ZNF503: variants seen among roughly 807,000 people sequenced by gnomAD.
The protein encoded by ZNF503 is zinc finger protein 503.
In ZNF503, 15 loss-of-function variants were observed where a neutral mutation model predicts 34.4. The observed-to-expected ratio is 0.44, with a 90% CI of 0.29 to 0.67. The LOEUF is 0.67. Ranked by LOEUF, ZNF503 falls within the 30% of genes least tolerant of loss-of-function variation. The probability of loss-of-function intolerance (pLI) is 0.13; values close to 1 mark genes in which losing one functional copy is unlikely to be tolerated. For missense variants in ZNF503, 1,007 were observed against 926.8 expected (o/e 1.09, Z -1.12); for synonymous variants, 580 against 456.8 (o/e 1.27, Z -3.44).
At chr10:75,322,561 C>T in the ZNF503 span, among the ~76,000 whole-genome samples, 1 of 152,188 alleles carries the variant, frequency 6.6e-6, no homozygotes, top group Admixed American at 6.5e-5. Context: ...CAGGCACTGT[C>T]ACTCATGCTT....
At chr10:75,346,667 C>T in the ZNF503 span, among the ~76,000 whole-genome samples, 10 of 152,208 alleles carry the variant, frequency 6.6e-5, no homozygotes, top group Admixed American at 1.3e-4. Context: ...GTCTCAAACT[C>T]CTGAGCTCAA....
chr10:75,374,681 T>C, the ZNF503 span, among the ~76,000 whole-genome samples: 3 of 152,242 alleles, frequency 2.0e-5, no homozygotes, highest in Admixed American at 2.0e-4. Flanking sequence ...ATTCACTGCT[T>C]GTCTTTCTCC....
intron 1 of ZNF503, 135 bp downstream of exon 1, chr10:75,400,970 G>T: frequency 7.7e-7 from 1 of 1,295,398 alleles, no homozygotes; most frequent in Non-Finnish European, 1.1e-6. Flanking sequence ...AGGTACGGAA[G>T]CAGTAGCCTC....
At chr10:75,287,298 G>A in the ZNF503 span, among the ~76,000 whole-genome samples, 347 of 152,068 alleles carry the variant, frequency 2.3e-3, 1 homozygote, top group African/African-American at 7.7e-3. Context: ...CTTCTATCAC[G>A]TCTCTCCCCA....
At chr10:75,322,654 ACCC>A in the ZNF503 span, among the ~76,000 whole-genome samples, 2 of 151,902 alleles carry the variant, frequency 1.3e-5, no homozygotes, top group African/African-American at 4.8e-5. Context: ...ACATGGTGAG[ACCC>A]CATCTCTACA....
chr10:75,392,171 A>C, the ZNF503 span, among the ~76,000 whole-genome samples: 5 of 152,226 alleles, frequency 3.3e-5, no homozygotes, highest in Non-Finnish European at 7.3e-5. Flanking sequence ...GAATAAGTGA[A>C]TGGATGGACT....
chr10:75,286,262 G>A, the ZNF503 span, among the ~76,000 whole-genome samples: 2 of 146,058 alleles, frequency 1.4e-5, no homozygotes, highest in African/African-American at 5.2e-5. Flanking sequence ...TCCAGCCTGG[G>A]AGACAGAGCA....
the ZNF503 span, among the ~76,000 whole-genome samples, chr10:75,300,583 G>A: frequency 9.7e-3 from 1,481 of 152,184 alleles, 33 homozygotes; most frequent in African/African-American, 0.034. Context: ...ATTAATTTGG[G>A]GAACTAATAA....
At chr10:75,381,805 CT>C in the ZNF503 span, among the ~76,000 whole-genome samples, 329 of 38,600 alleles carry the variant, frequency 8.5e-3, no homozygotes, top group African/African-American at 0.032. Context: ...GAACCTAATT[CT>C]TTTTTTTTTT....
At position 75,397,874 on chromosome 10, in the gene ZNF503, C is replaced by T. The variant is rs566690431; in HGVS notation, c.*875G>A. The T allele has an allele frequency of 2.6e-5, 4 of 152,790 alleles. No individual in the cohort carries two copies. The highest frequency in any genetic ancestry group is 9.6e-5 in the African/African-American group (4 of 41,584). 9.5% of individuals were successfully genotyped at this position (152,790 alleles called of 1,614,324 possible). ...TACATCAAATATACGGAATTTTAATCTTTAAAGCGATACATTGTCTATTAT... is the reference window on the plus strand; with the variant it reads ...TACATCAAATATACGGAATTTTAATTTTTAAAGCGATACATTGTCTATTAT... On this transcript the variant is annotated 3_prime_UTR_variant, in exon 2 of 2. Coordinates refer to ENST00000372524, the MANE Select transcript of ZNF503 (RefSeq NM_032772.6).
At chr10:75,297,316 C>G in the ZNF503 span, among the ~76,000 whole-genome samples, 1 of 152,030 alleles carries the variant, frequency 6.6e-6, no homozygotes, top group Admixed American at 6.6e-5. Flanking sequence ...GTTTACAAGT[C>G]TCTTGCTCTA....
At chr10:75,386,233 T>G in the ZNF503 span, among the ~76,000 whole-genome samples, 1 of 152,164 alleles carries the variant, frequency 6.6e-6, no homozygotes. Context: ...CCCTCTACCC[T>G]TCTGTGGCTG....
rs1283743205 is a variant in ZNF503, at chr10:75,401,439, G to A, written c.-20C>T. 14 of 1,527,910 alleles carry A rather than the reference G, an allele frequency of 9.2e-6. No individual in the cohort carries two copies. The highest frequency in any genetic ancestry group is 2.0e-5 in the Admixed American group (1 of 50,152). The allele number at this position is 1,527,910 out of a possible 1,614,324, so 94.6% of individuals were successfully genotyped here. ...GCTCATGACCCACCCGCGCGCATGG[G>A]AGCAGCGGGGGGGAGGGCTCCGGGA... On this transcript the variant is annotated 5_prime_UTR_variant, in exon 1 of 2. Coordinates refer to ENST00000372524, the MANE Select transcript of ZNF503 (RefSeq NM_032772.6).
chr10:75,367,199 A>T, the ZNF503 span, among the ~76,000 whole-genome samples: 2 of 152,070 alleles, frequency 1.3e-5, no homozygotes, highest in African/African-American at 4.8e-5. Context: ...CCCCCAGCTC[A>T]GGAAATTGTC....
At chr10:75,340,179 G>A in the ZNF503 span, among the ~76,000 whole-genome samples, 2 of 150,740 alleles carry the variant, frequency 1.3e-5, no homozygotes, top group Middle Eastern at 3.4e-3. Flanking sequence ...GCGGGGGGTC[G>A]AGGCTGCAGT....
chr10:75,354,841 GT>G, the ZNF503 span, among the ~76,000 whole-genome samples: 1 of 77,312 alleles, frequency 1.3e-5, no homozygotes, highest in South Asian at 3.9e-4. Context: ...CTTCATTTTT[GT>G]TTTGTTTTGT....
the ZNF503 span, among the ~76,000 whole-genome samples, chr10:75,325,045 A>G: frequency 6.6e-6 from 1 of 152,196 alleles, no homozygotes; most frequent in Non-Finnish European, 1.5e-5. Context: ...TATTATGAAT[A>G]ATCTATGAAT....
the ZNF503 span, among the ~76,000 whole-genome samples, chr10:75,307,306 G>A: frequency 9.2e-5 from 14 of 152,320 alleles, no homozygotes; most frequent in Admixed American, 2.6e-4. Context: ...TTTACTAGTC[G>A]GGTAGAAGAT....
the ZNF503 span, among the ~76,000 whole-genome samples, chr10:75,330,195 G>A: frequency 6.6e-6 from 1 of 152,256 alleles, no homozygotes; most frequent in East Asian, 1.9e-4. Context: ...TGCATCCAGG[G>A]GTTGCATGGT....
Sources: gnomAD v4.1 joint callset for allele counts (sites outside exome capture counted in the v4.1 genomes callset) on GRCh38, gnomAD v4.1.1 for gene constraint, MANE v1.5 for transcripts, NCBI Gene and HGNC (gene_info 2026-07-23, HGNC 2026-07-21) for gene names.